The following FAM118B variants were observed in gnomAD, a reference collection of about 807,000 sequenced individuals.
FAM118B encodes protein FAM118B.
A neutral mutation model predicts 38.5 loss-of-function variants in FAM118B; 24 were observed. The ratio of observed to expected loss-of-function variants is 0.62; its 90% confidence interval spans 0.45 to 0.88. FAM118B has a LOEUF of 0.88. FAM118B is among the 40% of genes least tolerant of loss of function. The probability of loss-of-function intolerance (pLI) is 0.00; values close to 1 mark genes in which losing one functional copy is unlikely to be tolerated. For synonymous variants in FAM118B, 138 were observed against 156.3 expected (o/e 0.88, Z 0.87); for missense variants, 334 against 420.0 (o/e 0.80, Z 1.79).
intron 1 of FAM118B, among the ~76,000 whole-genome samples, chr11:126,213,696 T>C (rs1297756507): frequency 6.6e-6 from 1 of 152,208 alleles, no homozygotes; most frequent in Non-Finnish European, 1.5e-5. Flanking sequence ...CCTAACCTTA[T>C]GGCATTCAAG....
rs1481483518 is a variant in FAM118B, at chr11:126,238,191, G to A, written c.87-2601G>A. Among the ~76,000 whole-genome samples, 6 of 151,818 alleles carry A rather than the reference G, an allele frequency of 4.0e-5. No individual in the cohort carries two copies. The East Asian group carries it at 7.9e-4, about 20-fold the overall frequency. ...AGCCTGGCCAACCTGGTGAAACCCC[G>A]TCTCTACTAAAAATACAAAAATTGG... On this transcript the variant is annotated intron_variant, in intron 3 of 8. Coordinates refer to ENST00000533050, the MANE Select transcript of FAM118B (RefSeq NM_024556.4).
chr11:126,211,773 AGT>A, upstream of FAM118B: 1 of 997,386 alleles, frequency 1.0e-6, no homozygotes, highest in South Asian at 1.6e-5. Context: ...GTGCGCGCTC[AGT>A]GCGGCTGCGC....
chr11:126,244,459 C>A lies in FAM118B; in HGVS notation c.339+3415C>A, dbSNP rs1950396537. ...ATACTAAAATGAAATATTAAAAATT[C>A]TTCCACTTGGCATCAAAAATAGTAA... On this transcript the variant is annotated intron_variant, in intron 4 of 8. Coordinates refer to ENST00000533050, the MANE Select transcript of FAM118B (RefSeq NM_024556.4). The surrounding 1 kb of genome is among the most constrained non-coding windows in gnomAD (Gnocchi z 4.5). Among the ~76,000 whole-genome samples the A allele has an allele frequency of 6.6e-6, 1 of 152,154 alleles. No homozygotes were observed. The highest frequency in any genetic ancestry group is 2.1e-4 in the South Asian group (1 of 4,838).
intron 2 of FAM118B, among the ~76,000 whole-genome samples, chr11:126,231,591 C>T (rs1591509636): frequency 1.3e-5 from 2 of 152,116 alleles, no homozygotes; most frequent in African/African-American, 4.8e-5. Context: ...TGCTGAGCTA[C>T]GTCTCATTCA....
chr11:126,220,704 A>G (rs949102406), intron 1 of FAM118B, among the ~76,000 whole-genome samples: 4 of 152,308 alleles, frequency 2.6e-5, no homozygotes, highest in Admixed American at 1.3e-4. Flanking sequence ...GACTGTCTCA[A>G]ACAAAAAAGA....
chr11:126,222,430 C>T (rs917546798), intron 1 of FAM118B, among the ~76,000 whole-genome samples: 10 of 152,180 alleles, frequency 6.6e-5, no homozygotes, highest in African/African-American at 1.9e-4. Context: ...ATAATCATGG[C>T]CAGGCCATAG....
chr11:126,261,619 C>G, intron 8 of FAM118B, 135 bp downstream of exon 8: 1 of 650,744 alleles, frequency 1.5e-6, no homozygotes, highest in East Asian at 2.7e-5. Context: ...GAATGATTTT[C>G]CTCTCCTACC....
At position 126,253,901 on chromosome 11, in the gene FAM118B, A is replaced by G. The variant is rs1468417968; in HGVS notation, c.568-404A>G. Among the ~76,000 whole-genome samples the G allele has an allele frequency of 6.6e-6, 1 of 152,218 alleles. No homozygotes were observed. The highest frequency in any genetic ancestry group is 1.5e-5 in the Non-Finnish European group (1 of 68,036). On this transcript the variant is annotated intron_variant, in intron 5 of 8. Transcript: ENST00000533050. This position sits in a 1 kb window ranked among gnomAD's most constrained non-coding sequence, Gnocchi z 5.1. ...TGTGTTTGCTAGTATCCCATTGGCT[A>G]AAAGCAAGCCATGTGGTTAGCCTGG...
chr11:126,243,819 G>A (rs1321046405), intron 4 of FAM118B, among the ~76,000 whole-genome samples: 5 of 151,488 alleles, frequency 3.3e-5, no homozygotes, highest in Admixed American at 2.0e-4. Flanking sequence ...CAGGAGAATT[G>A]CTGGAACCCG....
At chr11:126,249,747 A>AG (rs1950471376) in intron 4 of FAM118B, among the ~76,000 whole-genome samples, 2 of 150,368 alleles carry the variant, frequency 1.3e-5, no homozygotes, top group South Asian at 4.2e-4. Flanking sequence ...AAAAAAAAAA[A>AG]AAAAAAAGAA....
chr11:126,253,742 A>C lies in FAM118B; in HGVS notation c.568-563A>C, dbSNP rs113740082. ...AAGGGGACCATACTTCCCTGCAAGC[A>C]ATTGGCCAGGCCATATATGTCCCAG... On this transcript the variant is annotated intron_variant, in intron 5 of 8. Coordinates refer to ENST00000533050, the MANE Select transcript of FAM118B (RefSeq NM_024556.4). The surrounding 1 kb of genome is among the most constrained non-coding windows in gnomAD (Gnocchi z 5.1). 2.6e-5 allele frequency among the ~76,000 whole-genome samples: 4 copies of C among 152,324 alleles called. No individual in the cohort carries two copies. Among genetic ancestry groups the C allele is most frequent in the African/African-American group, 9.6e-5 (4 of 41,590 alleles).
In FAM118B at chr11:126,256,138, G is replaced by A. The variant is rs1025189538; in HGVS notation, c.697-429G>A. Among the ~76,000 whole-genome samples the A allele has an allele frequency of 6.6e-6, 1 of 152,042 alleles. No individual in the cohort carries two copies. Among genetic ancestry groups the A allele is most frequent in the African/African-American group, 2.4e-5 (1 of 41,390 alleles). ...ATTCAAAAATTAGCTGGGTGTGGTG[G>A]TGCACACTTGTAATATACTCGGGAG... On this transcript the variant is annotated intron_variant, in intron 6 of 8. Coordinates refer to ENST00000533050, the MANE Select transcript of FAM118B (RefSeq NM_024556.4). The surrounding 1 kb of genome is among the most constrained non-coding windows in gnomAD (Gnocchi z 6.6).
chr11:126,258,256 C>G (rs2135218695), intron 7 of FAM118B, among the ~76,000 whole-genome samples: 1 of 152,040 alleles, frequency 6.6e-6, no homozygotes, highest in Admixed American at 6.6e-5. Flanking sequence ...GGTGTGGTGG[C>G]ACACACCTGT....
chr11:126,246,861 C>T (rs908296561), intron 4 of FAM118B, among the ~76,000 whole-genome samples: 1 of 152,152 alleles, frequency 6.6e-6, no homozygotes, highest in Non-Finnish European at 1.5e-5. Flanking sequence ...GACTACTGAG[C>T]CTCCCTGTTT....
chr11:126,226,892 C>A (rs1019734599), intron 1 of FAM118B, among the ~76,000 whole-genome samples: 2 of 150,330 alleles, frequency 1.3e-5, no homozygotes, highest in Admixed American at 6.7e-5. Flanking sequence ...ATCACCAAGC[C>A]TGATGGTGGA....
At position 126,235,033 on chromosome 11, in the gene FAM118B, T is replaced by C. The variant is rs779072801; in HGVS notation, c.32T>C (p.Ile11Thr). Residue 11 changes from isoleucine (I) to threonine (T), a missense_variant, in exon 3 of 9, where the codon ATA becomes ACA. Around this residue, in one of 3 missense-constraint regions of FAM118B, gnomAD observed 240 missense variants for 295.9 expected, o/e 0.81. Transcript: ENST00000533050. Reference sequence around the variant, plus strand: ...TCTACAGGGAGCCAGGCCTCTGATATAGACGAGATTTTTGGATTCTTCAAC... The same window carrying C: ...TCTACAGGGAGCCAGGCCTCTGATACAGACGAGATTTTTGGATTCTTCAAC... MASTGSQASD[I>T]DEIFGFFNDG... 47 of 1,614,026 alleles carry C rather than the reference T, an allele frequency of 2.9e-5. No homozygotes were observed. The highest frequency in any genetic ancestry group is 6.7e-5 in the African/African-American group (5 of 74,918).
chr11:126,213,323 G>T (rs3851111), intron 1 of FAM118B, among the ~76,000 whole-genome samples: 52,848 of 152,054 alleles, frequency 0.35, 10,384 homozygotes, highest in East Asian at 0.83. Context: ...GCTTGTGTAC[G>T]TTTCTCTTAT....
At chr11:126,222,519 A>C (rs1474350690) in intron 1 of FAM118B, among the ~76,000 whole-genome samples, 7 of 152,250 alleles carry the variant, frequency 4.6e-5, no homozygotes, top group Admixed American at 3.3e-4. Flanking sequence ...GACTTTCAAC[A>C]AAAGTACTAT....
intron 1 of FAM118B, among the ~76,000 whole-genome samples, chr11:126,212,394 T>C (rs2135112293): frequency 6.6e-6 from 1 of 152,342 alleles, no homozygotes; most frequent in South Asian, 2.1e-4. Flanking sequence ...CTTTTCCTGT[T>C]TCCTTTATTT....
Sources: gnomAD v4.1 joint callset for allele counts (sites outside exome capture counted in the v4.1 genomes callset) on GRCh38, gnomAD v4.1.1 for gene constraint, gnomAD v4.1.1 regional missense constraint, Gnocchi (gnomAD v3.1) non-coding constraint, MANE v1.5 for transcripts, NCBI Gene and HGNC (gene_info 2026-07-23, HGNC 2026-07-21) for gene names.